Variants in CYP7B1 observed in about 807,000 individuals in gnomAD.
The protein encoded by CYP7B1 is cytochrome P450 family 7 subfamily B member 1, also known as cytochrome P450 7B1.
Under a neutral mutation model 42.7 loss-of-function variants are expected in CYP7B1, and 29 were observed. That is an observed-to-expected ratio of 0.68 (90% confidence interval 0.51 to 0.93). CYP7B1 has a LOEUF of 0.93. Among genes scored for constraint, CYP7B1 ranks in the 40% least tolerant of loss-of-function variants. The pLI is 0.00. For missense variants in CYP7B1, 655 were observed against 600.5 expected (o/e 1.09, Z -0.95); for synonymous variants, 235 against 218.2 (o/e 1.08, Z -0.68).
chr8:64,627,101 A>C (rs747196808), intron 1 of CYP7B1, among the ~76,000 whole-genome samples: 54 of 152,236 alleles, frequency 3.5e-4, no homozygotes, highest in Non-Finnish European at 3.4e-4. Context: ...ATTTATCTTA[A>C]TGCTAATTTA....
At chr8:64,606,257 C>G (rs1044491813) in intron 4 of CYP7B1, among the ~76,000 whole-genome samples, 1 of 152,156 alleles carries the variant, frequency 6.6e-6, no homozygotes, top group African/African-American at 2.4e-5. Context: ...AACATGGGCT[C>G]TACTGCAGAT....
rs1348527809 is a variant in CYP7B1, at chr8:64,594,781, T to C, written c.*1861A>G. Among the ~76,000 whole-genome samples, 1 of 152,062 alleles carries C rather than the reference T, an allele frequency of 6.6e-6. No homozygotes were observed. Among genetic ancestry groups the C allele is most frequent in the Non-Finnish European group, 1.5e-5 (1 of 67,996 alleles). On this transcript the variant is annotated 3_prime_UTR_variant, in exon 6 of 6. Transcript: ENST00000310193. Reference sequence around the variant, plus strand: ...CTAAAGAAATTACATGGAGTGTAAGTTAGAGATACAAAGTGTGGTGAGAAA... The same window carrying C: ...CTAAAGAAATTACATGGAGTGTAAGCTAGAGATACAAAGTGTGGTGAGAAA...
intron 1 of CYP7B1, among the ~76,000 whole-genome samples, chr8:64,652,924 A>C (rs1191318242): frequency 6.6e-6 from 1 of 152,216 alleles, no homozygotes; most frequent in African/African-American, 2.4e-5. Context: ...AAATCAAGTC[A>C]GACATAAAGA....
intron 1 of CYP7B1, among the ~76,000 whole-genome samples, chr8:64,633,097 T>C (rs1805721038): frequency 6.6e-6 from 1 of 152,082 alleles, no homozygotes; most frequent in Admixed American, 6.5e-5. Context: ...TATGAAGAAA[T>C]AAATTTACAT....
intron 1 of CYP7B1, among the ~76,000 whole-genome samples, chr8:64,723,906 G>A (rs927179787): frequency 1.2e-4 from 18 of 152,196 alleles, no homozygotes; most frequent in Non-Finnish European, 2.1e-4. Flanking sequence ...AGTTGACCAG[G>A]ACAATTTTTC....
chr8:64,750,366 C>T (rs911068707), intron 1 of CYP7B1, among the ~76,000 whole-genome samples: 3 of 152,148 alleles, frequency 2.0e-5, no homozygotes, highest in African/African-American at 7.2e-5. Context: ...ACAACCCAAA[C>T]CTTTCACAGG....
intron 1 of CYP7B1, among the ~76,000 whole-genome samples, chr8:64,736,207 C>T (rs1807485336): frequency 6.6e-6 from 1 of 152,132 alleles, no homozygotes; most frequent in South Asian, 2.1e-4. Context: ...ACGAGAAAAA[C>T]ACCCATATAA....
At chr8:64,726,105 T>G (rs1482529750) in intron 1 of CYP7B1, among the ~76,000 whole-genome samples, 1 of 152,184 alleles carries the variant, frequency 6.6e-6, no homozygotes, top group Non-Finnish European at 1.5e-5. Flanking sequence ...GAGATGAAAC[T>G]AAAGAAATAT....
At chr8:64,689,365 G>C (rs1806704486) in intron 1 of CYP7B1, among the ~76,000 whole-genome samples, 1 of 152,150 alleles carries the variant, frequency 6.6e-6, no homozygotes, top group African/African-American at 2.4e-5. Flanking sequence ...CACCATAAGT[G>C]CCTATCTTAC....
chr8:64,682,113 T>A (rs1167375243), intron 1 of CYP7B1, among the ~76,000 whole-genome samples: 1 of 151,846 alleles, frequency 6.6e-6, no homozygotes, highest in Non-Finnish European at 1.5e-5. Context: ...CATTAGAAAA[T>A]GAGAGGAGGA....
intron 1 of CYP7B1, among the ~76,000 whole-genome samples, chr8:64,631,263 G>A (rs1258935209): frequency 1.3e-5 from 2 of 152,060 alleles, no homozygotes; most frequent in East Asian, 3.9e-4. Flanking sequence ...TTTACGCCAG[G>A]TATGCAAGGC....
intron 1 of CYP7B1, among the ~76,000 whole-genome samples, chr8:64,644,027 C>T (rs1805908549): frequency 6.6e-6 from 1 of 152,180 alleles, no homozygotes; most frequent in African/African-American, 2.4e-5. Flanking sequence ...GTAATCTCAG[C>T]ACTTTGGGAG....
intron 1 of CYP7B1, among the ~76,000 whole-genome samples, chr8:64,715,523 A>G (rs1003061806): frequency 6.6e-6 from 1 of 152,204 alleles, no homozygotes; most frequent in Non-Finnish European, 1.5e-5. Context: ...TTTTACTACA[A>G]AATATAGAGA....
At chr8:64,598,459 C>G (rs1805150579) in intron 5 of CYP7B1, among the ~76,000 whole-genome samples, 1 of 152,198 alleles carries the variant, frequency 6.6e-6, no homozygotes, top group African/African-American at 2.4e-5. Flanking sequence ...GGTCCTCTAT[C>G]TACCTAACCC....
At chr8:64,602,582 C>T (rs904131769) in intron 5 of CYP7B1, among the ~76,000 whole-genome samples, 1 of 152,152 alleles carries the variant, frequency 6.6e-6, no homozygotes, top group Non-Finnish European at 1.5e-5. Flanking sequence ...TGGCCTAACA[C>T]CTATTGCCTG....
At chr8:64,599,865 T>C (rs896121970) in intron 5 of CYP7B1, among the ~76,000 whole-genome samples, 1 of 152,330 alleles carries the variant, frequency 6.6e-6, no homozygotes, top group South Asian at 2.1e-4. Flanking sequence ...TGTGTGACTA[T>C]GATGTCTGGA....
chr8:64,787,833 G>C (rs1246322136), intron 1 of CYP7B1, among the ~76,000 whole-genome samples: 1 of 152,186 alleles, frequency 6.6e-6, no homozygotes, highest in Non-Finnish European at 1.5e-5. Flanking sequence ...TAACAGTTCT[G>C]CATGGCTGGG....
chr8:64,677,255 C>T (rs1806459794), intron 1 of CYP7B1, among the ~76,000 whole-genome samples: 1 of 151,754 alleles, frequency 6.6e-6, no homozygotes, highest in African/African-American at 2.4e-5. Context: ...TTCTCATGTG[C>T]TTACCAGACA....
intron 1 of CYP7B1, among the ~76,000 whole-genome samples, chr8:64,770,470 T>C (rs2129638912): frequency 6.6e-6 from 1 of 152,334 alleles, no homozygotes; most frequent in Admixed American, 6.5e-5. Context: ...GTATATTCTC[T>C]GCCCTGTTAT....
Sources: allele counts gnomAD v4.1 joint callset (sites outside exome capture counted in the v4.1 genomes callset), GRCh38; gene constraint gnomAD v4.1.1; transcripts MANE v1.5; gene names NCBI Gene and HGNC (gene_info 2026-07-23, HGNC 2026-07-21).